The following PACS1 variants were observed in gnomAD, a reference collection of about 807,000 sequenced individuals.
PACS1 encodes PACS-1.
PACS1 carries 24 observed loss-of-function variants against 115.0 expected under a neutral mutation model. The observed-to-expected ratio is 0.21, with a 90% CI of 0.15 to 0.29. The LOEUF is 0.29. Ranked by LOEUF, PACS1 falls within the 10% of genes least tolerant of loss-of-function variation. The pLI is 1.00. For missense variants in PACS1, 838 were observed against 1,251.2 expected (o/e 0.67, Z 4.98); for synonymous variants, 453 against 504.5 (o/e 0.90, Z 1.37).
intron 1 of PACS1, among the ~76,000 whole-genome samples, chr11:66,167,251 C>T (rs557054815): frequency 6.7e-6 from 1 of 148,454 alleles, no homozygotes; most frequent in East Asian, 1.9e-4. Context: ...ATTTGTCAGT[C>T]TTTTTCTTAC....
In PACS1 at chr11:66,128,723, A is replaced by G. The variant is rs955335942; in HGVS notation, c.356+57881A>G. 9.9e-5 allele frequency among the ~76,000 whole-genome samples: 15 copies of G among 152,072 alleles called. 1 individual carries two copies. Among genetic ancestry groups the G allele is most frequent in the African/African-American group, 3.4e-4 (14 of 41,462 alleles). On this transcript the variant is annotated intron_variant, in intron 1 of 23. Transcript: ENST00000320580. ...ACATGGGGAAACCCTGTCTGTACTA[A>G]AATTACAAAAATTAGCCAGGCGTAG...
At chr11:66,101,016 A>G (rs545238476) in intron 1 of PACS1, 46 of 400,358 alleles carry the variant, frequency 1.1e-4, no homozygotes, top group African/African-American at 9.3e-4. Flanking sequence ...AAGTCACTAA[A>G]GCCAGCCATA....
At chr11:66,133,131 A>C (rs1350092525) in intron 1 of PACS1, among the ~76,000 whole-genome samples, 2 of 152,154 alleles carry the variant, frequency 1.3e-5, no homozygotes, top group African/African-American at 4.8e-5. Context: ...AGTTCTATAC[A>C]TTCTGACTCC....
At chr11:66,081,371 A>C (rs1484453446) in intron 1 of PACS1, among the ~76,000 whole-genome samples, 1 of 152,206 alleles carries the variant, frequency 6.6e-6, no homozygotes, top group Non-Finnish European at 1.5e-5. Flanking sequence ...AATATCAGCT[A>C]TTACTGTTGC....
At chr11:66,172,707 A>G (rs1294906179) in intron 1 of PACS1, among the ~76,000 whole-genome samples, 1 of 152,190 alleles carries the variant, frequency 6.6e-6, no homozygotes, top group Non-Finnish European at 1.5e-5. Context: ...TTTTGCAGCC[A>G]GGTGCGGTGG....
intron 1 of PACS1, among the ~76,000 whole-genome samples, chr11:66,122,364 A>T (rs1413956262): frequency 2.0e-5 from 3 of 152,228 alleles, no homozygotes; most frequent in Non-Finnish European, 4.4e-5. Flanking sequence ...CAAAGAAATT[A>T]ATGTTGTTTT....
chr11:66,165,192 C>G (rs1267906044), intron 1 of PACS1, among the ~76,000 whole-genome samples: 1 of 152,210 alleles, frequency 6.6e-6, no homozygotes, highest in East Asian at 1.9e-4. Context: ...GTTTTCTGTT[C>G]TCAGCTTATT....
At chr11:66,212,288 T>C (rs1162769951) in intron 4 of PACS1, among the ~76,000 whole-genome samples, 2 of 150,948 alleles carry the variant, frequency 1.3e-5, no homozygotes, top group African/African-American at 4.9e-5. Flanking sequence ...TGCACCACCA[T>C]GCCCAGCTAA....
At chr11:66,190,547 T>G (rs1462463498) in intron 1 of PACS1, among the ~76,000 whole-genome samples, 1 of 152,146 alleles carries the variant, frequency 6.6e-6, no homozygotes, top group Non-Finnish European at 1.5e-5. Flanking sequence ...TGCCTCAGCC[T>G]CCCACATTTC....
At chr11:66,120,808 C>T (rs1220673453) in intron 1 of PACS1, among the ~76,000 whole-genome samples, 6 of 152,190 alleles carry the variant, frequency 3.9e-5, no homozygotes, top group Admixed American at 3.3e-4. Flanking sequence ...ACTCTCTGGA[C>T]ACATACCTAT....
At chr11:66,075,472 G>A (rs1857378515) in intron 1 of PACS1, among the ~76,000 whole-genome samples, 2 of 152,072 alleles carry the variant, frequency 1.3e-5, no homozygotes, top group African/African-American at 4.8e-5. Context: ...GAACTCCTGG[G>A]CTCAAGTGAT....
chr11:66,175,558 T>G (rs1189009908), intron 1 of PACS1, among the ~76,000 whole-genome samples: 1 of 152,258 alleles, frequency 6.6e-6, no homozygotes, highest in Non-Finnish European at 1.5e-5. Flanking sequence ...TCTTTTACAC[T>G]TTCACTGTCA....
chr11:66,182,261 A>C lies in PACS1; in HGVS notation c.357-11225A>C, dbSNP rs1860027529. 2.0e-5 allele frequency among the ~76,000 whole-genome samples: 3 copies of C among 152,184 alleles called. No homozygotes were observed. The South Asian group carries it at 6.2e-4, about 32-fold the overall frequency. On this transcript the variant is annotated intron_variant, in intron 1 of 23. Coordinates refer to ENST00000320580, the MANE Select transcript of PACS1 (RefSeq NM_018026.4). ...AAGATAAACATACCCTGAGTAACTG[A>C]AAATTTTCTTAGAATCTTATGTCCC...
intron 1 of PACS1, among the ~76,000 whole-genome samples, chr11:66,178,931 G>T (rs1859939168): frequency 6.6e-6 from 1 of 152,162 alleles, no homozygotes; most frequent in African/African-American, 2.4e-5. Flanking sequence ...ACAGGTCCCA[G>T]ATCACACTAT....
chr11:66,238,621 C>A, intron 19 of PACS1, 183 bp from the exon 20 acceptor site: 1 of 608,520 alleles, frequency 1.6e-6, no homozygotes, highest in Non-Finnish European at 2.9e-6. Context: ...CTATCTCAGC[C>A]TCCCAAAGTG....
At chr11:66,152,674 GT>G (rs1859268160) in intron 1 of PACS1, among the ~76,000 whole-genome samples, 1 of 152,178 alleles carries the variant, frequency 6.6e-6, no homozygotes, top group Non-Finnish European at 1.5e-5. Flanking sequence ...TGTGTGTGAG[GT>G]GTGCCACCCT....
intron 1 of PACS1, among the ~76,000 whole-genome samples, chr11:66,097,261 C>A (rs1276099720): frequency 6.6e-6 from 1 of 152,086 alleles, no homozygotes; most frequent in African/African-American, 2.4e-5. Flanking sequence ...GCAGAGGTGA[C>A]AGGATGTGTA....
At chr11:66,143,135 A>C (rs1391263121) in intron 1 of PACS1, among the ~76,000 whole-genome samples, 1 of 152,172 alleles carries the variant, frequency 6.6e-6, no homozygotes, top group African/African-American at 2.4e-5. Flanking sequence ...CTTCCTAAGC[A>C]GTATTAGATT....
intron 4 of PACS1, among the ~76,000 whole-genome samples, chr11:66,211,847 T>G (rs1284663836): frequency 6.6e-6 from 1 of 152,238 alleles, no homozygotes; most frequent in Admixed American, 6.5e-5. Context: ...GGATCCGATC[T>G]AGGATTATGT....
Sources: allele counts gnomAD v4.1 joint callset (sites outside exome capture counted in the v4.1 genomes callset), GRCh38; gene constraint gnomAD v4.1.1; transcripts MANE v1.5; gene names NCBI Gene and HGNC (gene_info 2026-07-23, HGNC 2026-07-21).